The following MICOS10 variants were observed in gnomAD, a reference collection of about 807,000 sequenced individuals.
MICOS10 encodes the protein MICOS complex subunit MIC10.
MICOS10 carries 5 observed loss-of-function variants against 13.4 expected under a neutral mutation model. That is an observed-to-expected ratio of 0.37 (90% CI 0.20 to 0.78). The LOEUF (loss-of-function observed/expected upper bound fraction) is 0.78. MICOS10 is among the 30% of genes least tolerant of loss of function. The probability of loss-of-function intolerance (pLI) is 0.47; values close to 1 mark genes in which losing one functional copy is unlikely to be tolerated. For synonymous variants in MICOS10, 35 were observed against 33.6 expected, an observed-to-expected ratio of 1.04 and a Z score of -0.15; for missense variants, 101 against 94.6, an observed-to-expected ratio of 1.07 and a Z score of -0.28.
chr1:19,617,779 A>G (rs1475340805), intron 1 of MICOS10, among the ~76,000 whole-genome samples: 5 of 152,190 alleles, frequency 3.3e-5, no homozygotes, highest in African/African-American at 1.2e-4. Flanking sequence ...TCAGTTTGAT[A>G]TAAATTCATG....
chr1:19,624,867 G>A (rs1384003867), intron 3 of MICOS10, among the ~76,000 whole-genome samples: 3 of 152,156 alleles, frequency 2.0e-5, no homozygotes, highest in Non-Finnish European at 4.4e-5. Flanking sequence ...GGTAAGTGCC[G>A]ATGGCCTCAG....
chr1:19,616,761 G>A (rs1015063545), intron 1 of MICOS10, among the ~76,000 whole-genome samples: 1 of 152,122 alleles, frequency 6.6e-6, no homozygotes, highest in African/African-American at 2.4e-5. Flanking sequence ...GACAGCCTGG[G>A]TTTGAATTCT....
chr1:19,608,625 A>T (rs574717786), intron 1 of MICOS10: 40 of 643,438 alleles, frequency 6.2e-5, no homozygotes, highest in South Asian at 3.5e-4. Flanking sequence ...AAAAATAAAT[A>T]AAAAAAGTGA....
At position 19,608,180 on chromosome 1, in the gene MICOS10, G is replaced by A. The variant is rs761317310; in HGVS notation, c.64+11071G>A. 14 of 1,349,682 alleles carry A rather than the reference G, an allele frequency of 1.0e-5. 1 individual carries two copies. The South Asian group carries it at 1.3e-4, about 12-fold the overall frequency. The allele number at this position is 1,349,682 out of a possible 1,614,324, so 83.6% of individuals were successfully genotyped here. The stretch of plus-strand genomic sequence containing the variant: ...CATCAACCTCGGACCTCAGGTGGCT[G>A]AAGGGGAGAATGTATTTGGTGTCTG... On this transcript the variant is annotated intron_variant, in intron 1 of 3. Coordinates refer to ENST00000322753, the MANE Select transcript of MICOS10 (RefSeq NM_001032363.4).
At chr1:19,625,769 T>C (rs1265376358) in intron 3 of MICOS10, 1 of 954,132 alleles carries the variant, frequency 1.0e-6, no homozygotes, top group East Asian at 6.2e-5. Context: ...TACATTTGTG[T>C]GTCCTGCTCC....
intron 1 of MICOS10, chr1:19,600,794 G>A (rs776614600): frequency 2.6e-6 from 2 of 755,252 alleles, no homozygotes; most frequent in South Asian, 1.5e-5. Context: ...TAGAGATGGG[G>A]TTTCACCATG....
intron 1 of MICOS10, among the ~76,000 whole-genome samples, chr1:19,604,804 G>A (rs1171334034): frequency 2.0e-5 from 3 of 152,178 alleles, no homozygotes; most frequent in Admixed American, 2.0e-4. Flanking sequence ...CTTGAGGAAT[G>A]TGAAAAGGAT....
intron 1 of MICOS10, among the ~76,000 whole-genome samples, chr1:19,620,939 A>G (rs1197704040): frequency 1.3e-5 from 2 of 152,168 alleles, no homozygotes; most frequent in African/African-American, 4.8e-5. Flanking sequence ...TTGCCAAAAA[A>G]TTGCCTCCAG....
chr1:19,613,591 T>C lies in MICOS10; in HGVS notation c.65-8509T>C, dbSNP rs572898057. Among the ~76,000 whole-genome samples, 11 of 152,264 alleles carry C rather than the reference T, an allele frequency of 7.2e-5. No homozygotes were observed. In the South Asian group the frequency reaches 2.3e-3, roughly 32 times the overall value. On this transcript the variant is annotated intron_variant, in intron 1 of 3. Transcript: ENST00000322753. ...TGTACTTTGTGGGTCTGATTATCAGTTGGCTCCAACACTGGAACAGTGAAC... is the reference window on the plus strand; with the variant it reads ...TGTACTTTGTGGGTCTGATTATCAGCTGGCTCCAACACTGGAACAGTGAAC...
chr1:19,603,187 C>T (rs2094822274), intron 1 of MICOS10, among the ~76,000 whole-genome samples: 1 of 151,984 alleles, frequency 6.6e-6, no homozygotes, highest in African/African-American at 2.4e-5. Flanking sequence ...AAAAATTAGC[C>T]GGGCATGGTG....
chr1:19,617,944 G>C (rs1770487), intron 1 of MICOS10, among the ~76,000 whole-genome samples: 31,503 of 151,446 alleles, frequency 0.21, 5,394 homozygotes, highest in African/African-American at 0.47. Flanking sequence ...TACACACACA[G>C]CAAAGCCCGA....
chr1:19,625,668 G>C, intron 3 of MICOS10: 1 of 1,270,154 alleles, frequency 7.9e-7, no homozygotes, highest in Admixed American at 2.4e-5. Flanking sequence ...GTTCCAAACT[G>C]AGTTGTCAGG....
chr1:19,616,679 C>T (rs1387708756), intron 1 of MICOS10, among the ~76,000 whole-genome samples: 4 of 152,172 alleles, frequency 2.6e-5, no homozygotes, highest in Non-Finnish European at 4.4e-5. Flanking sequence ...AAGAGACAGT[C>T]ACCTTGCTGC....
intron 1 of MICOS10, among the ~76,000 whole-genome samples, chr1:19,612,844 A>G (rs2094869150): frequency 6.6e-6 from 1 of 152,040 alleles, no homozygotes; most frequent in Non-Finnish European, 1.5e-5. Flanking sequence ...TTCGGATATC[A>G]TCATTTGTAT....
intron 1 of MICOS10, among the ~76,000 whole-genome samples, chr1:19,619,063 G>T (rs1209953522): frequency 6.6e-6 from 1 of 152,212 alleles, no homozygotes; most frequent in East Asian, 1.9e-4. Flanking sequence ...ATTGATAGAT[G>T]AAATGGGTCT....
intron 1 of MICOS10, among the ~76,000 whole-genome samples, chr1:19,611,356 A>T (rs12403429): frequency 6.6e-6 from 1 of 151,814 alleles, no homozygotes; most frequent in African/African-American, 2.4e-5. Flanking sequence ...AAAACATATT[A>T]CTGTTTCAAT....
At chr1:19,607,371 G>C (rs1419484099) in intron 1 of MICOS10, among the ~76,000 whole-genome samples, 1 of 152,182 alleles carries the variant, frequency 6.6e-6, no homozygotes, top group Non-Finnish European at 1.5e-5. Flanking sequence ...AATGTGGCCT[G>C]TAACAGTTTA....
chr1:19,603,917 A>T (rs1477052693), intron 1 of MICOS10, among the ~76,000 whole-genome samples: 1 of 152,208 alleles, frequency 6.6e-6, no homozygotes, highest in Non-Finnish European at 1.5e-5. Flanking sequence ...CTGGCAAGCC[A>T]GGTGTGTCAA....
intron 1 of MICOS10, among the ~76,000 whole-genome samples, chr1:19,613,597 C>T (rs943238245): frequency 6.6e-6 from 1 of 152,140 alleles, no homozygotes; most frequent in East Asian, 1.9e-4. Flanking sequence ...TCAGTTGGCT[C>T]CAACACTGGA....
Sources: allele counts gnomAD v4.1 joint callset (sites outside exome capture counted in the v4.1 genomes callset), GRCh38; gene constraint gnomAD v4.1.1; transcripts MANE v1.5; gene names NCBI Gene and HGNC (gene_info 2026-07-23, HGNC 2026-07-21).